Variants in KLHL31 observed in about 807,000 individuals in gnomAD.
KLHL31 encodes the protein kelch like family member 31, also known as kelch-like protein 31.
KLHL31 carries 32 observed loss-of-function variants against 47.1 expected under a neutral mutation model. The ratio of observed to expected loss-of-function variants is 0.68; its 90% CI spans 0.51 to 0.91. The LOEUF (loss-of-function observed/expected upper bound fraction) is 0.91. KLHL31 is among the 40% of genes least tolerant of loss of function. The probability of loss-of-function intolerance (pLI) is 0.00; values close to 1 mark genes in which losing one functional copy is unlikely to be tolerated. For missense variants in KLHL31, 797 were observed against 819.3 expected (o/e 0.97, Z 0.33); for synonymous variants, 330 against 325.1 (o/e 1.01, Z -0.16).
intron 2 of KLHL31, among the ~76,000 whole-genome samples, chr6:53,653,464 A>G (rs1764505866): frequency 6.6e-6 from 1 of 152,226 alleles, no homozygotes; most frequent in Admixed American, 6.5e-5. Flanking sequence ...TTAATTTTTA[A>G]TCATAAATAT....
chr6:53,665,276 T>C (rs1290994219), intron 1 of KLHL31, among the ~76,000 whole-genome samples: 2 of 152,206 alleles, frequency 1.3e-5, no homozygotes, highest in African/African-American at 4.8e-5. Context: ...TATAAAGTAG[T>C]GAAAGAAAAA....
At chr6:53,658,473 A>G (rs1487057868) in intron 1 of KLHL31, among the ~76,000 whole-genome samples, 3 of 152,288 alleles carry the variant, frequency 2.0e-5, no homozygotes, top group Admixed American at 6.5e-5. Context: ...CAGGATATCT[A>G]CTAACCAGAA....
At chr6:53,656,729 T>C (rs1406559181) in intron 1 of KLHL31, among the ~76,000 whole-genome samples, 1 of 152,106 alleles carries the variant, frequency 6.6e-6, no homozygotes, top group East Asian at 1.9e-4. Context: ...CACAAACTTA[T>C]ATAAGACCAG....
rs192065239 is a variant in KLHL31 at position 53,653,100 on chromosome 6, C to T, written c.1173-770G>A. On this transcript the variant is annotated intron_variant, in intron 2 of 2. Transcript: ENST00000370905. ...GCACTGCAATCAATACCTCACAAAG[C>T]GACTCGAGTACTAAAAGGTGTCTTT... is the stretch of plus-strand genomic sequence containing the variant. 3.3e-5 allele frequency among the ~76,000 whole-genome samples: 5 copies of T among 152,274 alleles called. No homozygotes were observed. In the East Asian group the frequency reaches 7.7e-4, roughly 23 times the overall value.
intron 1 of KLHL31, among the ~76,000 whole-genome samples, chr6:53,664,980 A>G (rs773678722): frequency 1.4e-4 from 21 of 152,158 alleles, no homozygotes; most frequent in Non-Finnish European, 2.6e-4. Context: ...TTAATATAAA[A>G]TATATGTCAG....
Position 53,649,798 on chromosome 6 carries a change from A to G in KLHL31, c.*1800T>C, listed in dbSNP as rs1291267876. 1.3e-5 allele frequency: 2 copies of G among 152,222 alleles called. No individual in the cohort carries two copies. The highest frequency in any genetic ancestry group is 2.9e-5 in the Non-Finnish European group (2 of 68,026). The allele number at this position is 152,222 out of a possible 1,614,324, so 9.4% of individuals were successfully genotyped here. On this transcript the variant is annotated 3_prime_UTR_variant, in exon 3 of 3. Coordinates refer to ENST00000370905, the MANE Select transcript of KLHL31 (RefSeq NM_001003760.5). ...GTTGTATGAGTGTGTGCGTATACAC[A>G]CATATACATACACCAAGGTAATATA...
chr6:53,654,601 G>A lies in KLHL31; in HGVS notation c.672C>T (p.Asp224=). The A allele has an allele frequency of 1.9e-6, 3 of 1,614,144 alleles. No homozygotes were observed. The highest frequency in any genetic ancestry group is 2.5e-6 in the Non-Finnish European group (3 of 1,180,014). ...EQINELLIDD[D]LQLPSEIVAF... is the part of the protein sequence containing the mutation. ...CTACTATCTCAGAAGGCAACTGTAA[G>A]TCATCATCTATAAGAAGTTCATTAA... is the stretch of plus-strand genomic sequence containing the variant. The change falls in exon 2 of 3, where the codon GAC becomes GAT. Residue 224 remains aspartate, a synonymous_variant. Coordinates refer to ENST00000370905, the MANE Select transcript of KLHL31 (RefSeq NM_001003760.5).
rs369732814 is a variant in KLHL31, at chr6:53,651,825, C to A, written c.1678G>T (p.Val560Phe). 5 of 1,610,594 alleles carry A rather than the reference C, an allele frequency of 3.1e-6. No individual in the cohort carries two copies. The highest frequency in any genetic ancestry group is 4.2e-6 in the Non-Finnish European group (5 of 1,179,658). ...TAGGCGCGGCCATGCAGCGCCGAGA[C>A]GCCCGCAGTGCTCACTCCCACCTGC... is the stretch of plus-strand genomic sequence containing the variant. Reference protein sequence around the residue: ...PLQVGVSTAGVSALHGRAYLV... With the variant: ...PLQVGVSTAGFSALHGRAYLV... Residue 560 changes from valine to phenylalanine, a missense_variant, in exon 3 of 3, where the codon GTC becomes TTC. By Grantham distance (50) the Val-to-Phe change is conservative. Transcript: ENST00000370905.
chr6:53,654,887 T>C lies in KLHL31; in HGVS notation c.386A>G (p.Tyr129Cys), dbSNP rs1191176626. ...CAAGGAGAGAGTGAGCTTTCCAGTG[T>C]AGGCATATGCAATGACAGTGGCCAG... The part of the protein sequence containing the change: ...LGLATVIAYA[Y>C]TGKLTLSLYT... The change falls in exon 2 of 3, where the codon TAC (tyrosine) becomes TGC (cysteine). Residue 129 changes from tyrosine (Y) to cysteine (C), a missense_variant. Transcript: ENST00000370905. The C allele has an allele frequency of 6.2e-7, 1 of 1,614,104 alleles. No individual in the cohort carries two copies. The highest frequency in any genetic ancestry group is 1.3e-5 in the African/African-American group (1 of 74,940).
intron 1 of KLHL31, among the ~76,000 whole-genome samples, chr6:53,657,346 T>A (rs1331671653): frequency 1.3e-5 from 2 of 152,200 alleles, no homozygotes; most frequent in African/African-American, 4.8e-5. Flanking sequence ...CAATCAGCTC[T>A]TGTGAGCCAG....
intron 1 of KLHL31, among the ~76,000 whole-genome samples, chr6:53,657,374 A>G (rs751641373): frequency 3.9e-4 from 60 of 152,220 alleles, no homozygotes; most frequent in Non-Finnish European, 7.1e-4. Flanking sequence ...CAGCTCCAAC[A>G]TAACACTATA....
At chr6:53,660,632 G>T (rs941882926) in intron 1 of KLHL31, among the ~76,000 whole-genome samples, 11 of 152,130 alleles carry the variant, frequency 7.2e-5, no homozygotes, top group Admixed American at 6.6e-5. Flanking sequence ...TGGCCAACAT[G>T]GCGAAACCCT....
chr6:53,665,438 A>C (rs540885899), intron 1 of KLHL31, among the ~76,000 whole-genome samples, 163 bp downstream of exon 1: 23 of 149,898 alleles, frequency 1.5e-4, no homozygotes, highest in African/African-American at 5.3e-4. Context: ...CTGTCTCCCA[A>C]CTTCAGATTA....
intron 1 of KLHL31, among the ~76,000 whole-genome samples, chr6:53,663,387 G>A (rs1005370961): frequency 2.0e-5 from 3 of 152,128 alleles, no homozygotes; most frequent in Non-Finnish European, 4.4e-5. Flanking sequence ...GGGACACATC[G>A]ATCCTGTGGA....
chr6:53,654,631 T>C lies in KLHL31; in HGVS notation c.642A>G (p.Glu214=). The C allele has an allele frequency of 6.2e-7, 1 of 1,614,208 alleles. No homozygotes were observed. Among genetic ancestry groups the C allele is most frequent in the South Asian group, 1.1e-5 (1 of 91,072 alleles). The change falls in exon 2 of 3, where the codon GAA becomes GAG. Residue 214 remains glutamate (E), a synonymous_variant. Coordinates refer to ENST00000370905, the MANE Select transcript of KLHL31 (RefSeq NM_001003760.5). ...ESDQFMKLTF[E]QINELLIDDD... Reference sequence around the variant, plus strand: ...CATCTATAAGAAGTTCATTAATTTGTTCAAATGTAAGTTTCATAAACTGAT... The same window carrying C: ...CATCTATAAGAAGTTCATTAATTTGCTCAAATGTAAGTTTCATAAACTGAT...
In KLHL31 at chr6:53,652,339, G is replaced by T; in HGVS notation, c.1173-9C>A. 6.2e-7 allele frequency: 1 copy of T among 1,613,162 alleles called. No individual in the cohort carries two copies. Among genetic ancestry groups the T allele is most frequent in the Non-Finnish European group, 8.5e-7 (1 of 1,180,030 alleles). On this transcript the variant is annotated splice_polypyrimidine_tract_variant and intron_variant, in intron 2 of 2. Coordinates refer to ENST00000370905, the MANE Select transcript of KLHL31 (RefSeq NM_001003760.5). ...TGAAGCGGGGATCGTATCTGGAAAT[G>T]ATAGAGAAGGTGTAACAGCTTTGTC... is the stretch of plus-strand genomic sequence containing the variant.
Position 53,650,984 on chromosome 6 carries a change from C to T in KLHL31, c.*614G>A, listed in dbSNP as rs906619115. 1 of 152,048 alleles carries T rather than the reference C, an allele frequency of 6.6e-6. No individual in the cohort carries two copies. Among genetic ancestry groups the T allele is most frequent in the African/African-American group, 2.4e-5 (1 of 41,400 alleles). 9.4% of individuals were successfully genotyped at this position (152,048 alleles called of 1,614,324 possible). On this transcript the variant is annotated 3_prime_UTR_variant, in exon 3 of 3. Transcript: ENST00000370905. ...AAATTTAGGGTCCCTGGGTGGAATC[C>T]CTATTCCTTTTCGGTCAGATCTTGT...
rs79808370 is a variant in KLHL31 at position 53,662,451 on chromosome 6, C to T, written c.-34+3150G>A. Among the ~76,000 whole-genome samples, 1,137 of 152,290 alleles carry T rather than the reference C, an allele frequency of 7.5e-3. 9 individuals carry two copies. Among genetic ancestry groups the T allele is most frequent in the African/African-American group, 0.026 (1,078 of 41,554 alleles). On this transcript the variant is annotated intron_variant, in intron 1 of 2. Transcript: ENST00000370905. Reference sequence around the variant, plus strand: ...TTTGGAAGCACTGCCAGTCCCTTCCCTTTTTGGGTCAAAGAAAAGACTTTG... The same window carrying T: ...TTTGGAAGCACTGCCAGTCCCTTCCTTTTTTGGGTCAAAGAAAAGACTTTG...
chr6:53,654,119 G>T lies in KLHL31; in HGVS notation c.1154C>A (p.Ala385Glu). 1 of 1,606,410 alleles carries T rather than the reference G, an allele frequency of 6.2e-7. No individual in the cohort carries two copies. Among genetic ancestry groups the T allele is most frequent in the South Asian group, 1.1e-5 (1 of 89,450 alleles). The change falls in exon 2 of 3, where the codon GCA becomes GAA. Residue 385 changes from alanine to glutamate, a missense_variant. Ala to Glu is a moderately radical substitution (Grantham distance 107). Coordinates refer to ENST00000370905, the MANE Select transcript of KLHL31 (RefSeq NM_001003760.5). ...QNDARNQAKH[A>E]VSNFCRYDPR... ...CAAGTACCTGCAGAAATTGCTGACT[G>T]CATGCTTGGCTTGATTTCTTGCATC...
Sources: allele counts gnomAD v4.1 joint callset (sites outside exome capture counted in the v4.1 genomes callset), GRCh38; gene constraint gnomAD v4.1.1; transcripts MANE v1.5; gene names NCBI Gene and HGNC (gene_info 2026-07-23, HGNC 2026-07-21).